The following TUSC3 variants were observed in gnomAD, a reference collection of about 807,000 sequenced individuals.
TUSC3 encodes tumor suppressor candidate 3, also known as dolichyl-diphosphooligosaccharide--protein glycosyltransferase subunit TUSC3.
A neutral mutation model predicts 44.8 loss-of-function variants in TUSC3; 45 were observed. The observed-to-expected ratio is 1.00, with a 90% CI of 0.79 to 1.29. TUSC3 has a LOEUF of 1.29. Ranked by LOEUF, TUSC3 falls within the 50% of genes most tolerant of loss-of-function variation. The pLI, the probability that TUSC3 is intolerant of heterozygous loss-of-function variation, is 0.00. For synonymous variants in TUSC3, 212 were observed against 152.9 expected, an observed-to-expected ratio of 1.39 and a Z score of -2.85; for missense variants, 519 against 437.9, an observed-to-expected ratio of 1.19 and a Z score of -1.65.
chr8:15,520,513 C>G (rs1321828778), intron 2 of TUSC3, among the ~76,000 whole-genome samples: 2 of 152,142 alleles, frequency 1.3e-5, no homozygotes, highest in African/African-American at 4.8e-5. Flanking sequence ...ATCTATATTT[C>G]TATGAAATCA....
At chr8:15,690,273 A>G (rs878987474) in intron 6 of TUSC3, among the ~76,000 whole-genome samples, 1 of 151,402 alleles carries the variant, frequency 6.6e-6, no homozygotes, top group Non-Finnish European at 1.5e-5. Context: ...GCTGTTGAGC[A>G]TTTCTTCTTA....
At chr8:15,691,749 C>A (rs907382362) in intron 6 of TUSC3, among the ~76,000 whole-genome samples, 23 of 151,868 alleles carry the variant, frequency 1.5e-4, no homozygotes, top group African/African-American at 4.8e-4. Flanking sequence ...GAAAGCCTTT[C>A]CTGTATGAAG....
chr8:15,478,673 G>A (rs1800616669), intron 1 of TUSC3, among the ~76,000 whole-genome samples: 1 of 152,046 alleles, frequency 6.6e-6, no homozygotes, highest in African/African-American at 2.4e-5. Context: ...TCTTTATCCA[G>A]GCTATTACAG....
At chr8:15,515,781 C>A (rs1169606879) in intron 2 of TUSC3, among the ~76,000 whole-genome samples, 1 of 152,110 alleles carries the variant, frequency 6.6e-6, no homozygotes, top group Non-Finnish European at 1.5e-5. Context: ...AACTCTCCTG[C>A]CTCAGCTTCC....
the TUSC3 span, among the ~76,000 whole-genome samples, chr8:15,840,683 GAATA>G: frequency 2.6e-5 from 4 of 152,074 alleles, no homozygotes; most frequent in Non-Finnish European, 5.9e-5. Flanking sequence ...GAAAGTCTCA[GAATA>G]AATAGAAAAA....
chr8:15,665,987 C>G (rs924342787), intron 5 of TUSC3, among the ~76,000 whole-genome samples: 6 of 151,360 alleles, frequency 4.0e-5, no homozygotes, highest in African/African-American at 1.5e-4. Context: ...TAAGCATATA[C>G]ATTACTTGCT....
rs1055828276 is a variant in TUSC3 at position 15,688,043 on chromosome 8, C to T, written c.798+14207C>T. ...GAACAAAAAGAGAAGAATCAGTCCT[C>T]CCACAGAGAAAGGGATAAACTACCT... On this transcript the variant is annotated intron_variant, in intron 6 of 10. Coordinates refer to ENST00000503731, the MANE Select transcript of TUSC3 (RefSeq NM_006765.4). Among the ~76,000 whole-genome samples the T allele has an allele frequency of 4.6e-5, 7 of 152,000 alleles. No homozygotes were observed. In the East Asian group the frequency reaches 7.7e-4, roughly 17 times the overall value.
In TUSC3 at chr8:15,453,720, C is replaced by A. The variant is rs1227953466; in HGVS notation, n.92-29666C>A. On this transcript the variant is annotated intron_variant and non_coding_transcript_variant, in intron 1 of 5. Transcript: ENST00000503191. ...TAGTATAATTACACAGAGAATTATTCTTGTTACAGTGGGCAGGTAGTCAGA... is the reference window on the plus strand; with the variant it reads ...TAGTATAATTACACAGAGAATTATTATTGTTACAGTGGGCAGGTAGTCAGA... 7.2e-5 allele frequency among the ~76,000 whole-genome samples: 11 copies of A among 152,160 alleles called. No individual in the cohort carries two copies. The East Asian group carries it at 2.1e-3, about 29-fold the overall frequency.
chr8:15,565,326 T>A (rs1194226543), intron 1 of TUSC3, among the ~76,000 whole-genome samples: 1 of 152,160 alleles, frequency 6.6e-6, no homozygotes, highest in Non-Finnish European at 1.5e-5. Flanking sequence ...ATTTTGGATC[T>A]ACCTGGCTAA....
chr8:15,462,759 A>G (rs1239165632), intron 1 of TUSC3, among the ~76,000 whole-genome samples: 1 of 152,114 alleles, frequency 6.6e-6, no homozygotes, highest in African/African-American at 2.4e-5. Flanking sequence ...GCACCAGTAC[A>G]GAGCTGTTAA....
chr8:15,587,761 C>T (rs938962460), intron 1 of TUSC3, among the ~76,000 whole-genome samples: 4 of 152,160 alleles, frequency 2.6e-5, no homozygotes, highest in African/African-American at 9.6e-5. Flanking sequence ...AACCATAATT[C>T]TACTCTCTAC....
At chr8:15,794,046 C>T in the TUSC3 span, among the ~76,000 whole-genome samples, 2 of 152,168 alleles carry the variant, frequency 1.3e-5, no homozygotes, top group African/African-American at 2.4e-5. Context: ...GTGTTGCCTG[C>T]CATATCCTGA....
intron 1 of TUSC3, among the ~76,000 whole-genome samples, chr8:15,441,582 C>G (rs1800020745): frequency 6.6e-6 from 1 of 152,206 alleles, no homozygotes; most frequent in South Asian, 2.1e-4. Context: ...GCATAATAGG[C>G]TATGCTGAGA....
chr8:15,605,440 G>A (rs532587769), intron 1 of TUSC3, among the ~76,000 whole-genome samples: 2 of 151,994 alleles, frequency 1.3e-5, no homozygotes, highest in African/African-American at 4.8e-5. Flanking sequence ...TCCTGTAGAA[G>A]GAAGCCATTA....
chr8:15,723,373 A>G (rs1036753321), intron 6 of TUSC3, among the ~76,000 whole-genome samples: 1 of 152,158 alleles, frequency 6.6e-6, no homozygotes, highest in Non-Finnish European at 1.5e-5. Context: ...GTTTTCATAA[A>G]GAACTGTTTT....
chr8:15,808,844 C>A, the TUSC3 span, among the ~76,000 whole-genome samples: 1 of 143,720 alleles, frequency 7.0e-6, no homozygotes, highest in African/African-American at 2.6e-5. Flanking sequence ...AGCTCCTCAA[C>A]CTACACAGGT....
At chr8:15,757,372 A>G (rs968621835) in intron 9 of TUSC3, among the ~76,000 whole-genome samples, 1 of 152,208 alleles carries the variant, frequency 6.6e-6, no homozygotes, top group South Asian at 2.1e-4. Context: ...CATTCATACC[A>G]ATTTTGAAAA....
chr8:15,440,078 A>G (rs1800000936), intron 1 of TUSC3, among the ~76,000 whole-genome samples: 1 of 152,214 alleles, frequency 6.6e-6, no homozygotes, highest in African/African-American at 2.4e-5. Context: ...CCACTTACGC[A>G]TGTGTAACTA....
At chr8:15,836,687 C>T in the TUSC3 span, among the ~76,000 whole-genome samples, 1 of 152,094 alleles carries the variant, frequency 6.6e-6, no homozygotes, top group African/African-American at 2.4e-5. Flanking sequence ...CTTCCACTTA[C>T]ACCATTTAAA....
Sources: allele counts gnomAD v4.1 joint callset (sites outside exome capture counted in the v4.1 genomes callset), GRCh38; gene constraint gnomAD v4.1.1; transcripts MANE v1.5; gene names NCBI Gene and HGNC (gene_info 2026-07-23, HGNC 2026-07-21).